The following MSRB3 variants were observed in gnomAD, a reference collection of about 807,000 sequenced individuals.
The protein encoded by MSRB3 is methionine sulfoxide reductase B3.
A neutral mutation model predicts 21.0 loss-of-function variants in MSRB3; 13 were observed. The observed-to-expected ratio is 0.62, with a 90% CI of 0.40 to 0.98. MSRB3 has a LOEUF of 0.98. Among genes scored for constraint, MSRB3 ranks in the 50% least tolerant of loss-of-function variants. The pLI is 0.00. For synonymous variants in MSRB3, 87 were observed against 88.6 expected, an observed-to-expected ratio of 0.98 and a Z score of 0.10; for missense variants, 199 against 230.3, an observed-to-expected ratio of 0.86 and a Z score of 0.88.
At chr12:65,398,932 T>C (rs981760081) in intron 5 of MSRB3, among the ~76,000 whole-genome samples, 2 of 152,082 alleles carry the variant, frequency 1.3e-5, no homozygotes, top group Non-Finnish European at 2.9e-5. Flanking sequence ...TGTGGCGTTA[T>C]TTCTGAGGCC....
In MSRB3 at chr12:65,394,144, T is replaced by C. The variant is rs190337943; in HGVS notation, c.292+25118T>C. 3.4e-3 allele frequency among the ~76,000 whole-genome samples: 519 copies of C among 152,324 alleles called. 1 individual carries two copies. Among genetic ancestry groups the C allele is most frequent in the African/African-American group, 0.012 (479 of 41,592 alleles). On this transcript the variant is annotated intron_variant, in intron 5 of 6. Coordinates refer to ENST00000308259, the MANE Select transcript of MSRB3 (RefSeq NM_001031679.3). ...TATGCATATATATGAATTAGATGCT[T>C]CTATATGCTTGCGTATATTTATCAA...
chr12:65,425,330 G>A (rs1297997060), intron 5 of MSRB3, among the ~76,000 whole-genome samples: 1 of 151,942 alleles, frequency 6.6e-6, no homozygotes, highest in Non-Finnish European at 1.5e-5. Flanking sequence ...CTTTTGATTG[G>A]AGAAGTTGGT....
In MSRB3 at chr12:65,375,136, C is replaced by T. The variant is rs186686249; in HGVS notation, c.292+6110C>T. 3.5e-3 allele frequency among the ~76,000 whole-genome samples: 527 copies of T among 152,118 alleles called. 1 individual carries two copies. The highest frequency in any genetic ancestry group is 0.012 in the African/African-American group (479 of 41,508). Reference sequence around the variant, plus strand: ...CTGGGATTACAGGCGTGAGCCACCGCGCCCGGCCTATATCAATCTTTCTTG... The same window carrying T: ...CTGGGATTACAGGCGTGAGCCACCGTGCCCGGCCTATATCAATCTTTCTTG... On this transcript the variant is annotated intron_variant, in intron 5 of 6. Coordinates refer to ENST00000308259, the MANE Select transcript of MSRB3 (RefSeq NM_001031679.3).
At chr12:65,409,186 G>A (rs921752193) in intron 5 of MSRB3, among the ~76,000 whole-genome samples, 1 of 151,470 alleles carries the variant, frequency 6.6e-6, no homozygotes, top group African/African-American at 2.4e-5. Flanking sequence ...GTTTGTGTGT[G>A]TATATACACA....
intron 5 of MSRB3, among the ~76,000 whole-genome samples, chr12:65,444,597 T>G (rs1882530130): frequency 6.6e-6 from 1 of 152,176 alleles, no homozygotes; most frequent in Non-Finnish European, 1.5e-5. Context: ...TATCTTAAAA[T>G]AAACCTCATT....
At chr12:65,352,740 A>G (rs909623786) in intron 4 of MSRB3, among the ~76,000 whole-genome samples, 1 of 151,294 alleles carries the variant, frequency 6.6e-6, no homozygotes, top group African/African-American at 2.4e-5. Flanking sequence ...TAAAATACCT[A>G]GGAATCCAAC....
intron 1 of MSRB3, among the ~76,000 whole-genome samples, chr12:65,290,305 G>T (rs113175344): frequency 8.7e-4 from 132 of 152,274 alleles, no homozygotes; most frequent in African/African-American, 2.9e-3. Flanking sequence ...TCAGTAATTT[G>T]TATGACTGTG....
chr12:65,351,128 C>T lies in MSRB3; in HGVS notation c.264-17870C>T, dbSNP rs554432186. ...ACAAACTATCTCTCAGACCACAGTG[C>T]GATCAAACTAGAGCTCAGGATTAAG... is the stretch of plus-strand genomic sequence containing the variant. On this transcript the variant is annotated intron_variant, in intron 4 of 6. Transcript: ENST00000308259. Among the ~76,000 whole-genome samples the T allele has an allele frequency of 5.9e-5, 9 of 152,178 alleles. No individual in the cohort carries two copies. The South Asian group carries it at 6.2e-4, about 11-fold the overall frequency.
In MSRB3 at chr12:65,463,426, A is replaced by G; in HGVS notation, c.*104A>G. ...ATATTTTTTCAAAAACTATAAGGGC[A>G]GTTTTGTGCTATTGATATTTTTTCT... On this transcript the variant is annotated 3_prime_UTR_variant, in exon 7 of 7. Transcript: ENST00000308259. The G allele has an allele frequency of 7.4e-7, 1 of 1,358,540 alleles. No homozygotes were observed. The highest frequency in any genetic ancestry group is 2.5e-5 in the East Asian group (1 of 39,856). The allele number at this position is 1,358,540 out of a possible 1,614,324, so 84.2% of individuals were successfully genotyped here. A position where few individuals can be genotyped will look rare whatever the true frequency, so the allele number is the denominator to read the frequency against.
intron 5 of MSRB3, among the ~76,000 whole-genome samples, chr12:65,442,848 A>G (rs1565894412): frequency 6.6e-6 from 1 of 152,098 alleles, no homozygotes; most frequent in Non-Finnish European, 1.5e-5. Flanking sequence ...CTAAAGGTCT[A>G]CAACTGACTT....
intron 1 of MSRB3, among the ~76,000 whole-genome samples, chr12:65,303,194 C>A (rs1873445825): frequency 6.6e-6 from 1 of 152,112 alleles, no homozygotes; most frequent in African/African-American, 2.4e-5. Flanking sequence ...ACTACTAGTA[C>A]AATCAGCTCA....
At chr12:65,430,355 T>C (rs779258317) in intron 5 of MSRB3, among the ~76,000 whole-genome samples, 8 of 152,168 alleles carry the variant, frequency 5.3e-5, no homozygotes, top group Admixed American at 1.3e-4. Context: ...TAAGAGTAAT[T>C]TGCAATCTAA....
chr12:65,448,300 A>T (rs1882708375), intron 5 of MSRB3, among the ~76,000 whole-genome samples: 1 of 152,202 alleles, frequency 6.6e-6, no homozygotes, highest in African/African-American at 2.4e-5. Context: ...TTTATGTAGC[A>T]GGCACTTTTT....
At chr12:65,358,037 A>G (rs946122087) in intron 4 of MSRB3, among the ~76,000 whole-genome samples, 2 of 151,978 alleles carry the variant, frequency 1.3e-5, no homozygotes, top group Non-Finnish European at 2.9e-5. Context: ...CCTTGAAGGC[A>G]GAGTATCTCT....
chr12:65,457,079 G>A (rs1883121861), intron 6 of MSRB3, among the ~76,000 whole-genome samples: 1 of 151,830 alleles, frequency 6.6e-6, no homozygotes, highest in African/African-American at 2.4e-5. Context: ...CCATGCTAGA[G>A]CAGTCACTTG....
At chr12:65,346,606 A>T (rs537003679) in intron 4 of MSRB3, among the ~76,000 whole-genome samples, 13,798 of 151,808 alleles carry the variant, frequency 0.091, 2,111 homozygotes, top group African/African-American at 0.32. Flanking sequence ...CCCATTTGTC[A>T]ATTTTGGCTT....
intron 4 of MSRB3, among the ~76,000 whole-genome samples, chr12:65,340,953 A>T (rs1876098571): frequency 6.6e-6 from 1 of 152,146 alleles, no homozygotes; most frequent in Admixed American, 6.5e-5. Flanking sequence ...AATTATTCCT[A>T]TGCTATTATA....
At chr12:65,281,554 A>G (rs1872020820) in intron 1 of MSRB3, 1 of 152,216 alleles carries the variant, frequency 6.6e-6, no homozygotes, top group Non-Finnish European at 1.5e-5. Flanking sequence ...ATGCACAAAG[A>G]TACATACATA....
At chr12:65,451,257 ATTTATT>A (rs113261964) in intron 5 of MSRB3, among the ~76,000 whole-genome samples, 175 of 152,196 alleles carry the variant, frequency 1.1e-3, no homozygotes, top group African/African-American at 4.0e-3. Context: ...AAATATCTTT[ATTTATT>A]TTTATTTTTA....
Sources: gnomAD v4.1 joint callset for allele counts (sites outside exome capture counted in the v4.1 genomes callset) on GRCh38, gnomAD v4.1.1 for gene constraint, MANE v1.5 for transcripts, NCBI Gene and HGNC (gene_info 2026-07-23, HGNC 2026-07-21) for gene names.